MYBPC2: variants seen among roughly 807,000 people sequenced by gnomAD.
MYBPC2 encodes the protein myosin binding protein C2, also known as myosin-binding protein C, fast-type.
MYBPC2 carries 122 observed loss-of-function variants against 137.0 expected under a neutral mutation model. The ratio of observed to expected loss-of-function variants is 0.89; its 90% CI spans 0.77 to 1.03. The LOEUF (loss-of-function observed/expected upper bound fraction) is 1.03. MYBPC2 is among the 50% of genes least tolerant of loss of function. MYBPC2 has a pLI of 0.00. For synonymous variants in MYBPC2, 626 were observed against 612.3 expected, an observed-to-expected ratio of 1.02 and a Z score of -0.33; for missense variants, 1,500 against 1,534.4, an observed-to-expected ratio of 0.98 and a Z score of 0.37.
chr19:50,462,886 AGCTTGTCTCG>A (rs2039983998), intron 26 of MYBPC2, among the ~76,000 whole-genome samples: 1 of 152,186 alleles, frequency 6.6e-6, no homozygotes, highest in Non-Finnish European at 1.5e-5. Context: ...GCCAGGTAAC[AGCTTGTCTCG>A]GCAGCTTGAG....
chr19:50,451,029 C>G (rs147046977), intron 14 of MYBPC2, 94 bp downstream of exon 14: 4 of 1,217,886 alleles, frequency 3.3e-6, no homozygotes, highest in Non-Finnish European at 4.7e-6. Flanking sequence ...TAAGGTTCCC[C>G]GAGTGCGAAT....
rs1295470394 is a variant in MYBPC2 at position 50,443,624 on chromosome 19, G to T, written c.1027+6G>T. The T allele has an allele frequency of 1.2e-6, 2 of 1,613,752 alleles. No homozygotes were observed. Among genetic ancestry groups the T allele is most frequent in the South Asian group, 1.1e-5 (1 of 91,072 alleles). On this transcript the variant is annotated splice_donor_region_variant and intron_variant, in intron 10 of 27. Transcript: ENST00000357701. ...CACCGAGCTCTTCGTCAAAGGTGAG[G>T]CTGGAATTCAGAACTGAGCCTGGAG...
At position 50,435,380 on chromosome 19, in the gene MYBPC2, G is replaced by A. The variant is rs1465047529; in HGVS notation, c.109+130G>A. On this transcript the variant is annotated intron_variant, in intron 2 of 27. Transcript: ENST00000357701. This position sits in a 1 kb window ranked among gnomAD's most constrained non-coding sequence, Gnocchi z 4.8. ...CCGCACAGCCCCAGGGCTGACCCACGCCTCCCGTGCTCCCAGCCCTCCCGG... is the reference window on the plus strand; with the variant it reads ...CCGCACAGCCCCAGGGCTGACCCACACCTCCCGTGCTCCCAGCCCTCCCGG... 12 of 652,586 alleles carry A rather than the reference G, an allele frequency of 1.8e-5. No homozygotes were observed. Among genetic ancestry groups the A allele is most frequent in the Non-Finnish European group, 3.4e-5 (12 of 357,422 alleles). The allele number at this position is 652,586 out of a possible 1,614,324, so 40.4% of individuals were successfully genotyped here.
chr19:50,444,306 C>G (rs994252408), intron 11 of MYBPC2, among the ~76,000 whole-genome samples: 1 of 127,194 alleles, frequency 7.9e-6, no homozygotes, highest in East Asian at 2.0e-4. Context: ...ATCCATCCAT[C>G]CATCCATCCA....
At position 50,435,643 on chromosome 19, in the gene MYBPC2, A is replaced by G; in HGVS notation, c.110-133A>G. On this transcript the variant is annotated intron_variant, in intron 2 of 27. Transcript: ENST00000357701. The surrounding 1 kb of genome is among the most constrained non-coding windows in gnomAD (Gnocchi z 4.8). Reference sequence around the variant, plus strand: ...GGCCTTTCCCAGGTCAGGAAAAGCCATTTAACCCCCATGATGTTTGGTTTC... The same window carrying G: ...GGCCTTTCCCAGGTCAGGAAAAGCCGTTTAACCCCCATGATGTTTGGTTTC... The G allele has an allele frequency of 1.3e-6, 1 of 780,136 alleles. No homozygotes were observed. Among genetic ancestry groups the G allele is most frequent in the Non-Finnish European group, 2.0e-6 (1 of 493,114 alleles). 48.3% of individuals were successfully genotyped at this position (780,136 alleles called of 1,614,324 possible).
In MYBPC2 at chr19:50,448,251, A is replaced by G. The variant is rs768757534; in HGVS notation, c.1333A>G (p.Ile445Val). 1.2e-6 allele frequency: 2 copies of G among 1,613,726 alleles called. No individual in the cohort carries two copies. Among genetic ancestry groups the G allele is most frequent in the Admixed American group, 1.7e-5 (1 of 59,998 alleles). ...GAAACAGCTGGAGGTCCTGCAGGAC[A>G]TCGCGGATCTGACGGTGAAGGCCTC... is the stretch of plus-strand genomic sequence containing the variant. ...EEKQLEVLQD[I>V]ADLTVKASEQ... Residue 445 changes from isoleucine (I) to valine (V), a missense_variant, in exon 13 of 28, where the codon ATC becomes GTC. Physicochemically the swap from Ile to Val is conservative, Grantham distance 29. Coordinates refer to ENST00000357701, the MANE Select transcript of MYBPC2 (RefSeq NM_004533.4).
In MYBPC2 at chr19:50,451,235, C is replaced by T. The variant is rs576806003; in HGVS notation, c.1580-45C>T. ...TGGGCTGTGAAGGTGGGGTGAGGGG[C>T]CTGCTGAGTTTAGACCTAACTGTCC... On this transcript the variant is annotated intron_variant, in intron 14 of 27. Transcript: ENST00000357701. 3.7e-5 allele frequency: 59 copies of T among 1,607,152 alleles called. 2 individuals are homozygous for T. In the South Asian group the frequency reaches 5.7e-4, roughly 16 times the overall value.
intron 23 of MYBPC2, 105 bp from the exon 24 acceptor site, chr19:50,459,935 A>C: frequency 6.8e-7 from 1 of 1,475,942 alleles, no homozygotes; most frequent in African/African-American, 1.5e-5. Context: ...AATGGGGCAT[A>C]AGAGAGGTTA....
At position 50,455,282 on chromosome 19, in the gene MYBPC2, C is replaced by A. The variant is rs761860300; in HGVS notation, c.2189C>A (p.Pro730His). ...TCCCAGCCCAGCATGAACACCAAGC[C>A]TTTTATGCCTATTGGTAATGTCCTC... ...GVSQPSMNTKPFMPIAPTSEP... is the reference protein window; with the variant it reads ...GVSQPSMNTKHFMPIAPTSEP... The change falls in exon 19 of 28, where the codon CCT becomes CAT. Residue 730 changes from proline to histidine, a missense_variant. Physicochemically the swap from Pro to His is moderately conservative, Grantham distance 77. Coordinates refer to ENST00000357701, the MANE Select transcript of MYBPC2 (RefSeq NM_004533.4). The A allele has an allele frequency of 5.0e-6, 8 of 1,613,414 alleles. No homozygotes were observed. The highest frequency in any genetic ancestry group is 6.8e-6 in the Non-Finnish European group (8 of 1,179,520).
chr19:50,452,065 T>C, intron 16 of MYBPC2, 62 bp downstream of exon 16: 1 of 1,489,800 alleles, frequency 6.7e-7, no homozygotes, highest in Non-Finnish European at 9.1e-7. Flanking sequence ...TCTTTCCCCC[T>C]GAGCCTGAGT....
At chr19:50,460,526 C>T (rs1482519575) in intron 24 of MYBPC2, among the ~76,000 whole-genome samples, 16 of 152,170 alleles carry the variant, frequency 1.1e-4, no homozygotes, top group Admixed American at 9.2e-4. Context: ...CTGGTCTCCC[C>T]TGGCAGCCAC....
At chr19:50,462,076 TGTG>T in intron 26 of MYBPC2, 40 bp downstream of exon 26, 1 of 1,545,604 alleles carries the variant, frequency 6.5e-7, no homozygotes, top group Non-Finnish European at 8.7e-7. Flanking sequence ...TGTGTTGCCT[TGTG>T]GGGAATCTTC....
chr19:50,445,900 TGACTCGGGAG>T lies in MYBPC2; in HGVS notation c.1157_1166del (p.Thr386IlefsTer34). On this transcript the variant is annotated frameshift_variant, in exon 12 of 28. Transcript: ENST00000357701. LOFTEE classifies it high-confidence loss of function. Reference sequence around the variant, plus strand: ...CCTAGGATGAAAGATGGTGTGGAACTGACTCGGGAGGATTCCTTCAAGGCCCGGTACCGCT... The same window carrying T: ...CCTAGGATGAAAGATGGTGTGGAACTGATTCCTTCAAGGCCCGGTACCGCT... 3.7e-6 allele frequency: 6 copies of T among 1,608,516 alleles called. No individual in the cohort carries two copies. Among genetic ancestry groups the T allele is most frequent in the Non-Finnish European group, 5.1e-6 (6 of 1,177,522 alleles).
chr19:50,445,865 G>A lies in MYBPC2; in HGVS notation c.1134-15G>A, dbSNP rs1345488450. On this transcript the variant is annotated splice_polypyrimidine_tract_variant and intron_variant, in intron 11 of 27. Transcript: ENST00000357701. ...GCTGTCTCCTCACATCCCGTTCTGT[G>A]TCTCACCCACCTAGGATGAAAGATG... 2.5e-6 allele frequency: 4 copies of A among 1,595,620 alleles called. No individual in the cohort carries two copies. Among genetic ancestry groups the A allele is most frequent in the Non-Finnish European group, 3.4e-6 (4 of 1,170,922 alleles).
chr19:50,443,913 A>G (rs563859405), intron 11 of MYBPC2, 97 bp downstream of exon 11: 38 of 1,150,530 alleles, frequency 3.3e-5, no homozygotes, highest in Middle Eastern at 2.8e-4. Flanking sequence ...TCTCTTGGAG[A>G]TTTCTGACCT....
At chr19:50,448,480 T>C (rs1568662911) in intron 13 of MYBPC2, 90 bp downstream of exon 13, 1 of 1,490,268 alleles carries the variant, frequency 6.7e-7, no homozygotes, top group Non-Finnish European at 9.0e-7. Context: ...ATTTATTTTT[T>C]TTTTTGAGAT....
Position 50,461,645 on chromosome 19 carries a change from G to A in MYBPC2, c.3035G>A (p.Cys1012Tyr), listed in dbSNP as rs554656054. The change falls in exon 25 of 28, where the codon TGT (cysteine) becomes TAT (tyrosine). Residue 1012 changes from cysteine (C) to tyrosine (Y), a missense_variant. Transcript: ENST00000357701. Reference sequence around the variant, plus strand: ...TTCCGAGTTTACACCGAGAACATCTGTGGGCTCAGTGACTCACCTGGTGTC... The same window carrying A: ...TTCCGAGTTTACACCGAGAACATCTATGGGCTCAGTGACTCACCTGGTGTC... ...YYFRVYTENICGLSDSPGVSK... is the reference protein window; with the variant it reads ...YYFRVYTENIYGLSDSPGVSK... 6 of 1,613,544 alleles carry A rather than the reference G, an allele frequency of 3.7e-6. No homozygotes were observed. In the East Asian group the frequency reaches 1.1e-4, roughly 30 times the overall value.
In MYBPC2 at chr19:50,448,443, C is replaced by T. The variant is rs2039827014; in HGVS notation, c.1472+53C>T. Reference sequence around the variant, plus strand: ...GGGGTAGGGTGTGCATAGCAGTTAGCTTTAGCTGTGTAACAAGCTGTCCCC... The same window carrying T: ...GGGGTAGGGTGTGCATAGCAGTTAGTTTTAGCTGTGTAACAAGCTGTCCCC... On this transcript the variant is annotated intron_variant, in intron 13 of 27. Coordinates refer to ENST00000357701, the MANE Select transcript of MYBPC2 (RefSeq NM_004533.4). 2.6e-6 allele frequency: 4 copies of T among 1,567,644 alleles called. No individual in the cohort carries two copies. In the South Asian group the frequency reaches 3.6e-5, roughly 14 times the overall value.
intron 7 of MYBPC2, 59 bp from the exon 8 acceptor site, chr19:50,440,821 G>T (rs1344945356): frequency 2.2e-5 from 34 of 1,521,244 alleles, no homozygotes; most frequent in Non-Finnish European, 3.0e-5. Flanking sequence ...GAAGAAGGCA[G>T]AGGGACATCC....
Sources: allele counts gnomAD v4.1 joint callset (sites outside exome capture counted in the v4.1 genomes callset), GRCh38; gene constraint gnomAD v4.1.1; non-coding constraint Gnocchi (gnomAD v3.1); transcripts MANE v1.5; gene names NCBI Gene and HGNC (gene_info 2026-07-23, HGNC 2026-07-21).